The following ZNF521 variants were observed in gnomAD, a reference collection of about 807,000 sequenced individuals.
The protein encoded by ZNF521 is zinc finger protein 521, also known as LYST-interacting protein 3.
In ZNF521, 14 loss-of-function variants were observed where a neutral mutation model predicts 105.5. That is an observed-to-expected ratio of 0.13 (90% CI 0.09 to 0.21). The LOEUF is 0.21. Ranked by LOEUF, ZNF521 falls within the 10% of genes least tolerant of loss-of-function variation. The pLI is 1.00. For missense variants in ZNF521, 1,233 were observed against 1,629.7 expected (o/e 0.76, Z 4.19); for synonymous variants, 635 against 606.0 (o/e 1.05, Z -0.70).
At chr18:25,075,176 A>G (rs2033331247) in intron 7 of ZNF521, among the ~76,000 whole-genome samples, 1 of 152,192 alleles carries the variant, frequency 6.6e-6, no homozygotes, top group African/African-American at 2.4e-5. Flanking sequence ...TCAGTCCTCA[A>G]AGGAACCTGC....
At position 25,112,541 on chromosome 18, in the gene ZNF521, T is replaced by C. The variant is rs187083906; in HGVS notation, c.3659-20460A>G. On this transcript the variant is annotated intron_variant, in intron 5 of 7. Transcript: ENST00000361524. ...AAAGAGCACAGCTGAGATTAAATTGTGGCAATTTAATAATAAACACACTCC... is the reference window on the plus strand; with the variant it reads ...AAAGAGCACAGCTGAGATTAAATTGCGGCAATTTAATAATAAACACACTCC... Among the ~76,000 whole-genome samples, 139 of 152,304 alleles carry C rather than the reference T, an allele frequency of 9.1e-4. 1 individual carries two copies. Among genetic ancestry groups the C allele is most frequent in the African/African-American group, 3.1e-3 (130 of 41,560 alleles).
intron 5 of ZNF521, among the ~76,000 whole-genome samples, chr18:25,179,353 A>G (rs1265165936): frequency 1.3e-5 from 2 of 151,388 alleles, no homozygotes; most frequent in African/African-American, 4.9e-5. Context: ...TTTCGCTCTT[A>G]TGCCTTATAC....
intron 7 of ZNF521, among the ~76,000 whole-genome samples, chr18:25,073,583 G>A (rs1355793794): frequency 1.3e-5 from 2 of 152,236 alleles, no homozygotes; most frequent in African/African-American, 4.8e-5. Context: ...CATCTGATTA[G>A]AATGAGAGAA....
chr18:25,294,564 T>C (rs955945812), intron 3 of ZNF521, among the ~76,000 whole-genome samples: 4 of 152,008 alleles, frequency 2.6e-5, no homozygotes, highest in African/African-American at 4.8e-5. Flanking sequence ...TCTTAAGAAG[T>C]AGGTTTAGGC....
At chr18:25,350,780 C>T in intron 2 of ZNF521, 127 bp downstream of exon 2, 4 of 978,672 alleles carry the variant, frequency 4.1e-6, no homozygotes, top group East Asian at 3.3e-5. Context: ...GAGGGGAGCG[C>T]GCGCGCCCCC....
chr18:25,258,716 TA>T, intron 3 of ZNF521, among the ~76,000 whole-genome samples: 1 of 151,868 alleles, frequency 6.6e-6, no homozygotes, highest in Non-Finnish European at 1.5e-5. Flanking sequence ...CTGAAGAAAA[TA>T]AGAGATTAAA....
intron 3 of ZNF521, among the ~76,000 whole-genome samples, chr18:25,240,467 G>GAT (rs1450493198): frequency 1.3e-5 from 2 of 152,160 alleles, no homozygotes; most frequent in Non-Finnish European, 2.9e-5. Flanking sequence ...CTTCTCCCCA[G>GAT]ATATGCCTGA....
At chr18:25,341,204 A>G (rs1268290997) in intron 2 of ZNF521, among the ~76,000 whole-genome samples, 1 of 152,234 alleles carries the variant, frequency 6.6e-6, no homozygotes, top group African/African-American at 2.4e-5. Flanking sequence ...GGGGAAAAAT[A>G]GTCAAACCTG....
At chr18:25,224,251 C>A in intron 4 of ZNF521, 94 bp downstream of exon 4, 2 of 1,184,536 alleles carry the variant, frequency 1.7e-6, no homozygotes, top group South Asian at 1.5e-5. Flanking sequence ...TCTTTTGGCC[C>A]ATGACAATAA....
chr18:25,209,977 A>G (rs896732647), intron 4 of ZNF521, among the ~76,000 whole-genome samples: 1 of 152,172 alleles, frequency 6.6e-6, no homozygotes, highest in African/African-American at 2.4e-5. Context: ...ATGATTCCTC[A>G]TTTAGATGCA....
At chr18:25,070,329 G>A (rs185522806) in intron 7 of ZNF521, among the ~76,000 whole-genome samples, 11 of 152,200 alleles carry the variant, frequency 7.2e-5, no homozygotes, top group Non-Finnish European at 1.0e-4. Context: ...TGCTAACTAC[G>A]TCCAGAAAAA....
At chr18:25,299,636 T>C (rs947047235) in intron 3 of ZNF521, among the ~76,000 whole-genome samples, 1 of 152,204 alleles carries the variant, frequency 6.6e-6, no homozygotes, top group Non-Finnish European at 1.5e-5. Flanking sequence ...TGACTAATGC[T>C]TCTTTTATAA....
chr18:25,280,631 G>A (rs1169936345), intron 3 of ZNF521, among the ~76,000 whole-genome samples: 1 of 152,010 alleles, frequency 6.6e-6, no homozygotes, highest in African/African-American at 2.4e-5. Flanking sequence ...AAGAAGGAAG[G>A]GACAGTAGAG....
intron 4 of ZNF521, among the ~76,000 whole-genome samples, chr18:25,214,262 T>G (rs770358027): frequency 7.2e-5 from 11 of 152,148 alleles, no homozygotes; most frequent in Non-Finnish European, 1.0e-4. Flanking sequence ...TTATAGTTAT[T>G]TTGATATGTG....
chr18:25,076,062 C>G (rs749693173), intron 7 of ZNF521, among the ~76,000 whole-genome samples: 24 of 152,310 alleles, frequency 1.6e-4, no homozygotes, highest in Non-Finnish European at 3.4e-4. Context: ...TTAAACTAAG[C>G]ATCATGATCT....
At chr18:25,251,285 T>C (rs1047378304) in intron 3 of ZNF521, among the ~76,000 whole-genome samples, 2 of 152,352 alleles carry the variant, frequency 1.3e-5, no homozygotes, top group African/African-American at 4.8e-5. Flanking sequence ...CTGCTTTTTA[T>C]GTAAAACTGC....
chr18:25,091,928 C>T (rs1196482839), intron 6 of ZNF521, 22 bp downstream of exon 6: 8 of 1,612,350 alleles, frequency 5.0e-6, no homozygotes, highest in Non-Finnish European at 6.8e-6. Flanking sequence ...TCTCCTGTGT[C>T]TTCCTGAAAT....
chr18:25,159,454 A>G (rs576312771), intron 5 of ZNF521, among the ~76,000 whole-genome samples: 2 of 152,336 alleles, frequency 1.3e-5, no homozygotes, highest in African/African-American at 4.8e-5. Flanking sequence ...AATCTAAACC[A>G]GGGAACATGT....
Position 25,224,752 on chromosome 18 carries a change from C to T in ZNF521, c.3166G>A (p.Gly1056Arg). 1 of 1,614,024 alleles carries T rather than the reference C, an allele frequency of 6.2e-7. No individual in the cohort carries two copies. The highest frequency in any genetic ancestry group is 8.5e-7 in the Non-Finnish European group (1 of 1,180,022). The change falls in exon 4 of 8, where the codon GGG becomes AGG. Residue 1056 changes from glycine to arginine, a missense_variant. Gly to Arg is a moderately radical substitution (Grantham distance 125). Coordinates refer to ENST00000361524, the MANE Select transcript of ZNF521 (RefSeq NM_015461.3). ...AGTTTTTGGACGTGCTGGCCCCGCC[C>T]TGTGGTCTGAACTGCAGACCCATTC... The part of the protein sequence containing the change: ...TGNGSAVQTT[G>R]RGQHVQKLYK...
Sources: allele counts gnomAD v4.1 joint callset (sites outside exome capture counted in the v4.1 genomes callset), GRCh38; gene constraint gnomAD v4.1.1; transcripts MANE v1.5; gene names NCBI Gene and HGNC (gene_info 2026-07-23, HGNC 2026-07-21).